FAM135A: variants seen among roughly 807,000 people sequenced by gnomAD.
The protein encoded by FAM135A is protein FAM135A.
Under a neutral mutation model 146.8 loss-of-function variants are expected in FAM135A, and 79 were observed. The ratio of observed to expected loss-of-function variants is 0.54; its 90% confidence interval spans 0.45 to 0.65. The LOEUF is 0.65. Among genes scored for constraint, FAM135A ranks in the 30% least tolerant of loss-of-function variants. The pLI is 0.00. For synonymous variants in FAM135A, 562 were observed against 603.6 expected, an observed-to-expected ratio of 0.93 and a Z score of 1.01; for missense variants, 1,623 against 1,758.2, an observed-to-expected ratio of 0.92 and a Z score of 1.38.
At position 70,442,899 on chromosome 6, in the gene FAM135A, A is replaced by G. The variant is rs531222224; in HGVS notation, c.78-9593A>G. On this transcript the variant is annotated intron_variant, in intron 4 of 21. Coordinates refer to ENST00000418814, the MANE Select transcript of FAM135A (RefSeq NM_001162529.3). ...TTTTACACCATTGTATAGTTGTACCATAGTTTATTCAACCAGTCCCCTATT... is the reference window on the plus strand; with the variant it reads ...TTTTACACCATTGTATAGTTGTACCGTAGTTTATTCAACCAGTCCCCTATT... Among the ~76,000 whole-genome samples the G allele has an allele frequency of 3.3e-5, 5 of 152,312 alleles. No homozygotes were observed. In the East Asian group the frequency reaches 7.7e-4, roughly 23 times the overall value.
At chr6:70,443,763 C>G (rs1444525528) in intron 4 of FAM135A, among the ~76,000 whole-genome samples, 1 of 150,544 alleles carries the variant, frequency 6.6e-6, no homozygotes, top group East Asian at 1.9e-4. Context: ...TTTCATCTTT[C>G]TATTGGTTGA....
intron 4 of FAM135A, among the ~76,000 whole-genome samples, chr6:70,440,825 G>A (rs1774292676): frequency 6.6e-6 from 1 of 152,010 alleles, no homozygotes. Context: ...GAAGTTTGCA[G>A]GAAAGCTGTC....
chr6:70,428,965 C>T (rs1388940019), intron 4 of FAM135A, among the ~76,000 whole-genome samples: 1 of 152,024 alleles, frequency 6.6e-6, no homozygotes, highest in Admixed American at 6.6e-5. Context: ...ACCTATAAAG[C>T]AATGTAATAA....
chr6:70,448,165 G>A (rs956514800), intron 4 of FAM135A, among the ~76,000 whole-genome samples: 5 of 152,088 alleles, frequency 3.3e-5, no homozygotes, highest in African/African-American at 4.8e-5. Flanking sequence ...ACTACTTTTC[G>A]CCCAGTGTCC....
chr6:70,526,791 A>ACG, intron 15 of FAM135A, 93 bp downstream of exon 15: 1 of 815,712 alleles, frequency 1.2e-6, no homozygotes, highest in Non-Finnish European at 1.8e-6. Context: ...ACACACACAC[A>ACG]CACACACACA....
rs545424180 is a variant in FAM135A, at chr6:70,477,874, T to C, written c.542+542T>C. 1.2e-4 allele frequency among the ~76,000 whole-genome samples: 19 copies of C among 152,326 alleles called. No individual in the cohort carries two copies. The East Asian group carries it at 2.3e-3, about 19-fold the overall frequency. On this transcript the variant is annotated intron_variant, in intron 8 of 21. Coordinates refer to ENST00000418814, the MANE Select transcript of FAM135A (RefSeq NM_001162529.3). ...ATGGGAAACATTGGCTTGATAACTT[T>C]TTTATTACAGAAATATGAAGCCATC...
chr6:70,431,239 T>C (rs1236145344), intron 4 of FAM135A, among the ~76,000 whole-genome samples: 1 of 152,212 alleles, frequency 6.6e-6, no homozygotes, highest in Non-Finnish European at 1.5e-5. Context: ...AATGGCATTA[T>C]GGCAATAAAC....
At chr6:70,556,289 C>A (rs754169843) in intron 20 of FAM135A, among the ~76,000 whole-genome samples, 1 of 151,916 alleles carries the variant, frequency 6.6e-6, no homozygotes, top group African/African-American at 2.4e-5. Context: ...AAATATAAAT[C>A]ATATTAAGCA....
chr6:70,500,599 TC>T (rs1788269721), intron 11 of FAM135A, among the ~76,000 whole-genome samples: 1 of 152,234 alleles, frequency 6.6e-6, no homozygotes, highest in South Asian at 2.1e-4. Context: ...CACTGGTTTT[TC>T]CTCATCTTCA....
intron 5 of FAM135A, among the ~76,000 whole-genome samples, chr6:70,473,512 G>A (rs6911812): frequency 0.27 from 40,867 of 152,004 alleles, 7,061 homozygotes; most frequent in African/African-American, 0.49. Context: ...CTGTATTTGT[G>A]TCTCCTTTCC....
intron 2 of FAM135A, among the ~76,000 whole-genome samples, chr6:70,423,657 C>T (rs372574462): frequency 4.6e-5 from 7 of 152,174 alleles, no homozygotes; most frequent in East Asian, 3.8e-4. Flanking sequence ...GATAGGATCA[C>T]TTGACATCAA....
intron 20 of FAM135A, among the ~76,000 whole-genome samples, chr6:70,551,827 G>A (rs1377784115): frequency 6.6e-6 from 1 of 152,082 alleles, no homozygotes; most frequent in African/African-American, 2.4e-5. Context: ...ATGGTTCATG[G>A]CATTGCAAAA....
At chr6:70,494,490 G>T (rs1786766455) in intron 11 of FAM135A, among the ~76,000 whole-genome samples, 1 of 151,722 alleles carries the variant, frequency 6.6e-6, no homozygotes, top group South Asian at 2.1e-4. Context: ...ATGAAACCTT[G>T]TCTCAAGTTT....
intron 12 of FAM135A, among the ~76,000 whole-genome samples, chr6:70,513,778 GT>G (rs1791592435): frequency 6.6e-6 from 1 of 152,076 alleles, no homozygotes; most frequent in South Asian, 2.1e-4. Flanking sequence ...GGTCAATAGC[GT>G]TATTTAACCT....
intron 5 of FAM135A, among the ~76,000 whole-genome samples, chr6:70,473,570 A>G (rs1388122057): frequency 6.6e-6 from 1 of 152,002 alleles, no homozygotes; most frequent in Non-Finnish European, 1.5e-5. Context: ...GGCTCCCCTT[A>G]TCCTTTAATA....
At chr6:70,467,408 A>G (rs1204692693) in intron 5 of FAM135A, among the ~76,000 whole-genome samples, 1 of 151,598 alleles carries the variant, frequency 6.6e-6, no homozygotes, top group Non-Finnish European at 1.5e-5. Context: ...TGGGGTTCTG[A>G]TGGCACATAA....
intron 5 of FAM135A, among the ~76,000 whole-genome samples, chr6:70,457,888 T>C (rs1778672542): frequency 6.6e-6 from 1 of 152,158 alleles, no homozygotes; most frequent in Non-Finnish European, 1.5e-5. Context: ...TTTTCTTAGT[T>C]ATGTCTAGAT....
At chr6:70,497,425 A>G (rs1306531775) in intron 11 of FAM135A, among the ~76,000 whole-genome samples, 1 of 152,196 alleles carries the variant, frequency 6.6e-6, no homozygotes, top group Non-Finnish European at 1.5e-5. Context: ...CTAAATAGAC[A>G]ATCATGTCAT....
Position 70,475,716 on chromosome 6 carries a change from C to A in FAM135A, c.351C>A (p.Phe117Leu). ...MNFLLSLDLHFTDGDYSADDL... is the reference protein window; with the variant it reads ...MNFLLSLDLHLTDGDYSADDL... ...TTCTATTATCCTTGGATCTACACTT[C>A]ACAGATGGAGATTATTCGTAAGTAG... The change falls in exon 7 of 22, where the codon TTC becomes TTA. Residue 117 changes from phenylalanine (F) to leucine (L), a missense_variant. Physicochemically the swap from Phe to Leu is conservative, Grantham distance 22. Around this residue, in one of 7 missense-constraint regions of FAM135A, gnomAD observed 171 missense variants for 164.9 expected, o/e 1.04. Transcript: ENST00000418814. 6.2e-7 allele frequency: 1 copy of A among 1,609,480 alleles called. No individual in the cohort carries two copies. Among genetic ancestry groups the A allele is most frequent in the Non-Finnish European group, 8.5e-7 (1 of 1,177,598 alleles).
Sources: gnomAD v4.1 joint callset for allele counts (sites outside exome capture counted in the v4.1 genomes callset) on GRCh38, gnomAD v4.1.1 for gene constraint, gnomAD v4.1.1 regional missense constraint, MANE v1.5 for transcripts, NCBI Gene and HGNC (gene_info 2026-07-23, HGNC 2026-07-21) for gene names.